The following ARPP21 variants were observed in gnomAD, a reference collection of about 807,000 sequenced individuals.
The protein encoded by ARPP21 is cAMP-regulated phosphoprotein 21.
ARPP21 carries 69 observed loss-of-function variants against 113.2 expected under a neutral mutation model. That is an observed-to-expected ratio of 0.61 (90% CI 0.50 to 0.74). The LOEUF (loss-of-function observed/expected upper bound fraction) is 0.74, where lower values mean the gene tolerates loss of function less well. ARPP21 is among the 30% of genes least tolerant of loss of function. The pLI, the probability that ARPP21 is intolerant of heterozygous loss-of-function variation, is 0.00. For missense variants in ARPP21, 1,070 were observed against 1,037.4 expected, an observed-to-expected ratio of 1.03 and a Z score of -0.43; for synonymous variants, 368 against 375.5, an observed-to-expected ratio of 0.98 and a Z score of 0.23.
intron 1 of ARPP21, among the ~76,000 whole-genome samples, chr3:35,655,198 T>A (rs1305040039): frequency 6.6e-6 from 1 of 151,994 alleles, no homozygotes; most frequent in Non-Finnish European, 1.5e-5. Context: ...TCTGCAGAGA[T>A]AACAGAAAAT....
At chr3:35,771,611 G>A (rs1348525654) in intron 19 of ARPP21, among the ~76,000 whole-genome samples, 1 of 152,138 alleles carries the variant, frequency 6.6e-6, no homozygotes, top group Non-Finnish European at 1.5e-5. Context: ...TTACAGGCAT[G>A]AGCCACCGTG....
chr3:35,686,853 T>G (rs560224222), intron 5 of ARPP21, among the ~76,000 whole-genome samples: 2 of 151,656 alleles, frequency 1.3e-5, no homozygotes, highest in South Asian at 4.1e-4. Flanking sequence ...ACAGTGAACA[T>G]ACTATCAATC....
chr3:35,665,239 C>A (rs145722403), intron 1 of ARPP21, among the ~76,000 whole-genome samples: 1 of 151,630 alleles, frequency 6.6e-6, no homozygotes, highest in African/African-American at 2.4e-5. Flanking sequence ...TTTATGTGGC[C>A]TTTATGTAGA....
At chr3:35,681,685 CT>C (rs775085621) in intron 2 of ARPP21, 28 bp from the exon 3 acceptor site, 23 of 1,268,120 alleles carry the variant, frequency 1.8e-5, no homozygotes, top group Non-Finnish European at 2.5e-5. Flanking sequence ...CTTGCACTGA[CT>C]TTATTTTCTG....
At chr3:35,701,868 T>C (rs1184316573) in intron 9 of ARPP21, among the ~76,000 whole-genome samples, 1 of 151,546 alleles carries the variant, frequency 6.6e-6, no homozygotes, top group African/African-American at 2.4e-5. Flanking sequence ...AAGAATTGAT[T>C]TGACAAAACA....
At chr3:35,732,319 C>T (rs575068104) in intron 15 of ARPP21, among the ~76,000 whole-genome samples, 7 of 152,184 alleles carry the variant, frequency 4.6e-5, no homozygotes, top group Admixed American at 3.3e-4. Context: ...TCACATATAC[C>T]CTTGCAGTTT....
At chr3:35,668,811 G>A (rs1292253526) in intron 1 of ARPP21, among the ~76,000 whole-genome samples, 1 of 152,044 alleles carries the variant, frequency 6.6e-6, no homozygotes, top group Non-Finnish European at 1.5e-5. Context: ...GATGCAACAG[G>A]ATCTCATTTT....
chr3:35,714,262 C>T (rs926578256), intron 11 of ARPP21, among the ~76,000 whole-genome samples: 2 of 132,342 alleles, frequency 1.5e-5, no homozygotes. Flanking sequence ...CTGAAATGCT[C>T]ATAAAACTGA....
At chr3:35,696,566 T>C (rs1424469520) in intron 9 of ARPP21, among the ~76,000 whole-genome samples, 1 of 151,582 alleles carries the variant, frequency 6.6e-6, no homozygotes, top group Non-Finnish European at 1.5e-5. Flanking sequence ...TTCTATCCCA[T>C]TGTAGGTTGC....
At chr3:35,691,316 A>C (rs2149645872) in intron 9 of ARPP21, among the ~76,000 whole-genome samples, 1 of 151,846 alleles carries the variant, frequency 6.6e-6, no homozygotes, top group African/African-American at 2.4e-5. Context: ...GTCAAAATAT[A>C]ACTTAAATTA....
At chr3:35,760,556 G>A (rs897032507) in intron 19 of ARPP21, among the ~76,000 whole-genome samples, 1 of 151,868 alleles carries the variant, frequency 6.6e-6, no homozygotes, top group African/African-American at 2.4e-5. Flanking sequence ...AAAAAAATCC[G>A]CTGGGAGTTT....
intron 19 of ARPP21, among the ~76,000 whole-genome samples, chr3:35,786,929 T>C (rs1308156224): frequency 1.3e-5 from 2 of 152,168 alleles, no homozygotes; most frequent in Non-Finnish European, 2.9e-5. Flanking sequence ...TACTAAAATA[T>C]CAAGCTGTGT....
rs756938482 is a variant in ARPP21 at position 35,721,711 on chromosome 3, G to T, written c.1102G>T (p.Asp368Tyr). The T allele has an allele frequency of 1.2e-6, 2 of 1,613,904 alleles. No homozygotes were observed. Among genetic ancestry groups the T allele is most frequent in the Non-Finnish European group, 1.7e-6 (2 of 1,179,918 alleles). The change falls in exon 14 of 21, where the codon GAC becomes TAC. Residue 368 changes from aspartate (D) to tyrosine (Y), a missense_variant. Coordinates refer to ENST00000684406, the MANE Select transcript of ARPP21 (RefSeq NM_001385562.1). ...AAGGGCCTGGAGCAGCACAGACTCC[G>T]ACAGTTCCAACCGCAATCTAAAGCC... The part of the protein sequence containing the change: ...HQRAWSSTDS[D>Y]SSNRNLKPAM...
intron 1 of ARPP21, among the ~76,000 whole-genome samples, chr3:35,670,644 G>A (rs184136639): frequency 3.3e-5 from 5 of 152,148 alleles, no homozygotes; most frequent in Non-Finnish European, 5.9e-5. Flanking sequence ...CAGAGCCTGA[G>A]TGCTGCCTGC....
chr3:35,668,132 A>C (rs886546750), intron 1 of ARPP21, among the ~76,000 whole-genome samples: 1 of 152,160 alleles, frequency 6.6e-6, no homozygotes. Flanking sequence ...TCTTGCTACT[A>C]TTCATGGTAA....
intron 13 of ARPP21, among the ~76,000 whole-genome samples, chr3:35,718,369 A>G (rs1156500966): frequency 6.6e-6 from 1 of 152,166 alleles, no homozygotes; most frequent in Non-Finnish European, 1.5e-5. Flanking sequence ...TCCACACTTG[A>G]AGATTTAAGA....
chr3:35,675,287 G>A (rs2077205468), intron 1 of ARPP21, among the ~76,000 whole-genome samples: 1 of 151,650 alleles, frequency 6.6e-6, no homozygotes, highest in Non-Finnish European at 1.5e-5. Context: ...TGGAAGTTTA[G>A]GCCATTTAAA....
intron 19 of ARPP21, among the ~76,000 whole-genome samples, chr3:35,748,433 G>GAGAAAGAA (rs199709009): frequency 7.2e-6 from 1 of 139,300 alleles, no homozygotes; most frequent in Non-Finnish European, 1.5e-5. Context: ...GAGAAAGAAA[G>GAGAAAGAA]AGAAAGAAAG....
intron 1 of ARPP21, among the ~76,000 whole-genome samples, chr3:35,644,794 A>G (rs934883631): frequency 2.0e-5 from 3 of 151,918 alleles, no homozygotes; most frequent in Non-Finnish European, 4.4e-5. Context: ...TGGAATTGCC[A>G]GGTGGAGAGA....
Sources: gnomAD v4.1 joint callset for allele counts (sites outside exome capture counted in the v4.1 genomes callset) on GRCh38, gnomAD v4.1.1 for gene constraint, MANE v1.5 for transcripts, NCBI Gene and HGNC (gene_info 2026-07-23, HGNC 2026-07-21) for gene names.